The following SPATA9 variants were observed in gnomAD, a reference collection of about 807,000 sequenced individuals.
The protein encoded by SPATA9 is spermatogenesis-associated protein 9.
In SPATA9, 27 loss-of-function variants were observed where a neutral mutation model predicts 25.5. That is an observed-to-expected ratio of 1.06 (90% CI 0.78 to 1.46). SPATA9 has a LOEUF of 1.46. SPATA9 is among the 40% of genes most tolerant of loss of function. The pLI, the probability that SPATA9 is intolerant of heterozygous loss-of-function variation, is 0.00. For synonymous variants in SPATA9, 102 were observed against 105.7 expected (o/e 0.97, Z 0.21); for missense variants, 282 against 297.5 (o/e 0.95, Z 0.38).
downstream of SPATA9, chr5:95,652,458 A>C: frequency 1.7e-6 from 2 of 1,193,532 alleles, no homozygotes; most frequent in Non-Finnish European, 2.3e-6. Flanking sequence ...GATACCTTAA[A>C]CTCAATATGT....
intron 2 of SPATA9, among the ~76,000 whole-genome samples, chr5:95,680,016 G>C (rs1753298686): frequency 6.6e-6 from 1 of 152,204 alleles, no homozygotes; most frequent in Non-Finnish European, 1.5e-5. Context: ...TCCTGCCTCA[G>C]CCTCCCGAGG....
At chr5:95,718,767 G>A in the SPATA9 span, among the ~76,000 whole-genome samples, 1 of 152,210 alleles carries the variant, frequency 6.6e-6, no homozygotes, top group Non-Finnish European at 1.5e-5. Flanking sequence ...TATGAGAACA[G>A]ACAAGAGATG....
chr5:95,714,690 A>G, the SPATA9 span, among the ~76,000 whole-genome samples: 1 of 151,744 alleles, frequency 6.6e-6, no homozygotes, highest in South Asian at 2.1e-4. Context: ...CTTAATTATT[A>G]GAATTAATAA....
chr5:95,682,790 A>G lies in SPATA9; in HGVS notation c.61+4T>C, dbSNP rs767885271. 5 of 1,545,252 alleles carry G rather than the reference A, an allele frequency of 3.2e-6. No homozygotes were observed. The highest frequency in any genetic ancestry group is 2.8e-5 in the African/African-American group (2 of 72,390). On this transcript the variant is annotated splice_donor_region_variant and intron_variant, in intron 1 of 4. Coordinates refer to ENST00000274432, the MANE Select transcript of SPATA9 (RefSeq NM_031952.4). The stretch of plus-strand genomic sequence containing the variant: ...TACGCCCTTTACAACAAGATTGTGT[A>G]TACTTCTTCCAGAAAAGTTCTTCAA...
At chr5:95,725,778 C>A in the SPATA9 span, among the ~76,000 whole-genome samples, 1 of 151,386 alleles carries the variant, frequency 6.6e-6, no homozygotes, top group Non-Finnish European at 1.5e-5. Flanking sequence ...CATGTGGTTG[C>A]TCTCATTGTA....
chr5:95,652,378 T>C, downstream of SPATA9: 1 of 1,541,660 alleles, frequency 6.5e-7, no homozygotes, highest in Non-Finnish European at 8.8e-7. Flanking sequence ...AGTTTTTCTC[T>C]CTAGAAATTC....
chr5:95,700,629 T>C (rs887150547), upstream of SPATA9, among the ~76,000 whole-genome samples: 1 of 152,070 alleles, frequency 6.6e-6, no homozygotes, highest in African/African-American at 2.4e-5. Context: ...GATTTTGCCA[T>C]GTTGGCCAGG....
At chr5:95,725,746 G>C in the SPATA9 span, among the ~76,000 whole-genome samples, 1 of 151,812 alleles carries the variant, frequency 6.6e-6, no homozygotes, top group African/African-American at 2.4e-5. Context: ...AATTGCATAG[G>C]AGATAGGCTG....
Position 95,658,895 on chromosome 5 carries a change from C to T in SPATA9, c.493G>A (p.Val165Met), listed in dbSNP as rs764761127. 1.1e-5 allele frequency: 17 copies of T among 1,612,940 alleles called. No homozygotes were observed. The highest frequency in any genetic ancestry group is 1.4e-5 in the Non-Finnish European group (16 of 1,179,608). Residue 165 changes from valine (V) to methionine (M), a missense_variant, in exon 5 of 5, where the codon GTG becomes ATG. Coordinates refer to ENST00000274432, the MANE Select transcript of SPATA9 (RefSeq NM_031952.4). The stretch of plus-strand genomic sequence containing the variant: ...AAGATGTTCTTTACCTTCTTCAGCA[C>T]AGCATTAACACAGACTGCCTATACA... ...LIYLAVCVNA[V>M]LKKVKNIFQE...
At chr5:95,731,793 G>A in the SPATA9 span, 1 of 1,603,080 alleles carries the variant, frequency 6.2e-7, no homozygotes. Context: ...CGCACTTCCT[G>A]TTCCGAGGAG....
At chr5:95,710,076 G>A in the SPATA9 span, among the ~76,000 whole-genome samples, 1 of 152,126 alleles carries the variant, frequency 6.6e-6, no homozygotes, top group Non-Finnish European at 1.5e-5. Flanking sequence ...CATCAATTCA[G>A]CTTTTTGCGC....
At chr5:95,691,210 C>T (rs1372440044) in intron 1 of SPATA9, among the ~76,000 whole-genome samples, 3 of 106,244 alleles carry the variant, frequency 2.8e-5, no homozygotes, top group Non-Finnish European at 5.8e-5. Context: ...AGCAAGACTC[C>T]GTCTCAAAAA....
chr5:95,703,078 A>C (rs1005973616), upstream of SPATA9, among the ~76,000 whole-genome samples: 1 of 152,164 alleles, frequency 6.6e-6, no homozygotes, highest in East Asian at 1.9e-4. Context: ...CTTTTGGTAA[A>C]GGAAAGTTTA....
chr5:95,705,376 T>C, the SPATA9 span, among the ~76,000 whole-genome samples: 1 of 152,194 alleles, frequency 6.6e-6, no homozygotes, highest in African/African-American at 2.4e-5. Flanking sequence ...CATAATTTAA[T>C]CCATAGCATA....
In SPATA9 at chr5:95,682,520, C is replaced by T. The variant is rs768254909; in HGVS notation, c.150+8G>A. Reference sequence around the variant, plus strand: ...CTATTCCTTTTAAAGGTTATAAAATCACATTACCTGATTAGACTGTGATAA... The same window carrying T: ...CTATTCCTTTTAAAGGTTATAAAATTACATTACCTGATTAGACTGTGATAA... On this transcript the variant is annotated splice_region_variant and intron_variant, in intron 2 of 4. Coordinates refer to ENST00000274432, the MANE Select transcript of SPATA9 (RefSeq NM_031952.4). The T allele has an allele frequency of 5.1e-6, 8 of 1,565,442 alleles. No individual in the cohort carries two copies. Among genetic ancestry groups the T allele is most frequent in the African/African-American group, 2.7e-5 (2 of 73,524 alleles).
Position 95,658,706 on chromosome 5 carries a change from G to C in SPATA9, c.682C>G (p.Leu228Val), listed in dbSNP as rs139907956. The C allele has an allele frequency of 6.2e-7, 1 of 1,613,788 alleles. No homozygotes were observed. The highest frequency in any genetic ancestry group is 1.1e-5 in the South Asian group (1 of 91,074). Residue 228 changes from leucine (L) to valine (V), a missense_variant, in exon 5 of 5, where the codon CTT becomes GTT. Transcript: ENST00000274432. ...TTATTACTCTGCTTATTAGCAAGAA[G>C]CTTGGGGTAATCTGAAATGTCTGGC... ...EKPDISDYPKLLANKQSNNIQ... is the reference protein window; with the variant it reads ...EKPDISDYPKVLANKQSNNIQ...
In SPATA9 at chr5:95,669,232, G is replaced by A. The variant is rs147271841; in HGVS notation, c.379-5184C>T. Among the ~76,000 whole-genome samples, 189 of 152,276 alleles carry A rather than the reference G, an allele frequency of 1.2e-3. 3 individuals carry two copies. Among genetic ancestry groups the A allele is most frequent in the Middle Eastern group, 0.01 (3 of 294 alleles). Reference sequence around the variant, plus strand: ...CAAATGTCCTAATCCCTTTGCCAACGTGGAGGAGTACTGTATGTCTTCAAG... The same window carrying A: ...CAAATGTCCTAATCCCTTTGCCAACATGGAGGAGTACTGTATGTCTTCAAG... On this transcript the variant is annotated intron_variant, in intron 3 of 4. Transcript: ENST00000274432.
intron 2 of SPATA9, 117 bp from the exon 3 acceptor site, chr5:95,675,756 T>A: frequency 1.4e-6 from 1 of 732,104 alleles, no homozygotes; most frequent in South Asian, 1.9e-5. Context: ...CATGCATATA[T>A]TCAACATCCA....
upstream of SPATA9, among the ~76,000 whole-genome samples, chr5:95,687,866 TC>T (rs1259349604): frequency 6.6e-6 from 1 of 152,206 alleles, no homozygotes; most frequent in Admixed American, 6.5e-5. Flanking sequence ...GAGGGTGTAT[TC>T]CCAATACCTA....
Sources: allele counts gnomAD v4.1 joint callset (sites outside exome capture counted in the v4.1 genomes callset), GRCh38; gene constraint gnomAD v4.1.1; transcripts MANE v1.5; gene names NCBI Gene and HGNC (gene_info 2026-07-23, HGNC 2026-07-21).